The following ESR1 variants were observed in gnomAD, a reference collection of about 807,000 sequenced individuals.
ESR1 encodes estrogen receptor.
ESR1 carries 12 observed loss-of-function variants against 52.7 expected under a neutral mutation model. The observed-to-expected ratio is 0.23, with a 90% CI of 0.15 to 0.37. The LOEUF (loss-of-function observed/expected upper bound fraction) is 0.37, where lower values mean the gene tolerates loss of function less well. Ranked by LOEUF, ESR1 falls within the 10% of genes least tolerant of loss-of-function variation. The probability of loss-of-function intolerance (pLI) is 1.00; values close to 1 mark genes in which losing one functional copy is unlikely to be tolerated. For missense variants in ESR1, 584 were observed against 779.7 expected (o/e 0.75, Z 2.99); for synonymous variants, 305 against 316.8 (o/e 0.96, Z 0.39).
rs573925362 is a variant in ESR1, at chr6:152,122,376, T to C, written c.851-2890T>C. The C allele has an allele frequency of 1.9e-6, 3 of 1,612,874 alleles. No individual in the cohort carries two copies. In the African/African-American group the frequency reaches 4.0e-5, roughly 21 times the overall value. On this transcript the variant is annotated intron_variant, in intron 6 of 6. Transcript: ENST00000427531. Reference sequence around the variant, plus strand: ...AGGTCCTCTTGTTGGTAGTTTGGGATTGCTTATGACCCGATCCTCCTTATG... The same window carrying C: ...AGGTCCTCTTGTTGGTAGTTTGGGACTGCTTATGACCCGATCCTCCTTATG...
chr6:151,767,903 A>T (rs2128105142), intron 2 of ESR1, among the ~76,000 whole-genome samples: 1 of 152,302 alleles, frequency 6.6e-6, no homozygotes, highest in East Asian at 1.9e-4. Flanking sequence ...TAGAAGGGGC[A>T]TATACCCCTT....
At chr6:152,034,957 C>T (rs779514103) in intron 5 of ESR1, among the ~76,000 whole-genome samples, 20 of 152,132 alleles carry the variant, frequency 1.3e-4, no homozygotes, top group Admixed American at 1.3e-4. Context: ...TAACTACGCA[C>T]GTGACAAAAA....
chr6:151,764,884 T>C (rs1784928195), intron 2 of ESR1, among the ~76,000 whole-genome samples: 1 of 152,240 alleles, frequency 6.6e-6, no homozygotes, highest in Non-Finnish European at 1.5e-5. Context: ...CAGCTAAACA[T>C]ATTTACTTCT....
chr6:151,694,794 A>AT, intron 1 of ESR1, among the ~76,000 whole-genome samples: 1 of 120,078 alleles, frequency 8.3e-6, no homozygotes, highest in Non-Finnish European at 1.8e-5. Flanking sequence ...CTAAAAAAAG[A>AT]CAAAAAAAAA....
At position 152,031,876 on chromosome 6, in the gene ESR1, A is replaced by G. The variant is rs1434039444; in HGVS notation, c.1235+20082A>G. Among the ~76,000 whole-genome samples, 7 of 152,244 alleles carry G rather than the reference A, an allele frequency of 4.6e-5. No homozygotes were observed. The South Asian group carries it at 1.0e-3, about 23-fold the overall frequency. On this transcript the variant is annotated intron_variant, in intron 5 of 7. Coordinates refer to ENST00000206249, the MANE Select transcript of ESR1 (RefSeq NM_000125.4). ...AGACCAATATCCCTGATGAACATCG[A>G]TGCAAAAATCCTGAGTAAAATACTG... is the stretch of plus-strand genomic sequence containing the variant.
rs76786480 is a variant in ESR1, at chr6:151,708,219, C to A, written c.-71+6214C>A. On this transcript the variant is annotated intron_variant, in intron 2 of 2. Coordinates refer to the ESR1 transcript ENST00000404742. Reference sequence around the variant, plus strand: ...TCTGAATCTTGGTTTTGTCACTTTGCAATATGTCTTAAAGATTCTGATAAA... The same window carrying A: ...TCTGAATCTTGGTTTTGTCACTTTGAAATATGTCTTAAAGATTCTGATAAA... Among the ~76,000 whole-genome samples the A allele has an allele frequency of 2.9e-3, 438 of 152,144 alleles. 5 individuals carry two copies. Among genetic ancestry groups the A allele is most frequent in the East Asian group, 0.019 (97 of 5,182 alleles).
chr6:152,042,903 G>A lies in ESR1; in HGVS notation c.1236-18088G>A, dbSNP rs140557514. ...CTTGATGCTTGAGTGCCACCACTTGGCCCATGCCACCTCAGGATCCAATTA... is the reference window on the plus strand; with the variant it reads ...CTTGATGCTTGAGTGCCACCACTTGACCCATGCCACCTCAGGATCCAATTA... On this transcript the variant is annotated intron_variant, in intron 5 of 7. Transcript: ENST00000206249. Among the ~76,000 whole-genome samples, 11 of 152,170 alleles carry A rather than the reference G, an allele frequency of 7.2e-5. No individual in the cohort carries two copies. In the East Asian group the frequency reaches 1.2e-3, roughly 16 times the overall value.
At chr6:151,672,964 G>A (rs1159564004) in intron 1 of ESR1, among the ~76,000 whole-genome samples, 2 of 151,596 alleles carry the variant, frequency 1.3e-5, no homozygotes, top group African/African-American at 4.9e-5. Context: ...GAGTAGCTGG[G>A]ACTACAGGCC....
intron 1 of ESR1, among the ~76,000 whole-genome samples, chr6:151,695,844 C>T (rs1031795579): frequency 2.0e-5 from 3 of 152,050 alleles, no homozygotes; most frequent in African/African-American, 7.2e-5. Context: ...TATAGTAATC[C>T]GTTTTAGTAT....
intron 2 of ESR1, among the ~76,000 whole-genome samples, chr6:151,860,577 A>G (rs577737086): frequency 6.8e-4 from 103 of 152,318 alleles, no homozygotes; most frequent in Non-Finnish European, 1.1e-3. Flanking sequence ...ATACATGCAC[A>G]CATACACAAT....
At chr6:151,690,332 T>C (rs924906545), upstream of ESR1, among the ~76,000 whole-genome samples, 3 of 152,232 alleles carry the variant, frequency 2.0e-5, no homozygotes, top group Admixed American at 2.0e-4. Context: ...GATTTACCTC[T>C]TCTTGAACAT....
intron 4 of ESR1, among the ~76,000 whole-genome samples, chr6:151,967,759 C>T (rs533370160): frequency 7.2e-5 from 11 of 152,324 alleles, no homozygotes; most frequent in East Asian, 5.8e-4. Context: ...AGAATCACCA[C>T]GCTGTCTTCC....
intron 6 of ESR1, among the ~76,000 whole-genome samples, chr6:152,092,984 G>C (rs1283197794): frequency 6.6e-6 from 1 of 152,150 alleles, no homozygotes; most frequent in East Asian, 1.9e-4. Context: ...AAAAATGTAA[G>C]AACGAAGACC....
chr6:151,679,082 G>A (rs1001453323), intron 1 of ESR1, among the ~76,000 whole-genome samples: 1 of 152,142 alleles, frequency 6.6e-6, no homozygotes, highest in African/African-American at 2.4e-5. Flanking sequence ...TTTTTCTTTA[G>A]TTGAACTCCA....
At chr6:151,845,697 A>G (rs1190685015) in intron 2 of ESR1, among the ~76,000 whole-genome samples, 2 of 152,230 alleles carry the variant, frequency 1.3e-5, no homozygotes, top group East Asian at 1.9e-4. Context: ...TGGTTTCAGA[A>G]ACTTCTTGTG....
chr6:151,718,980 CT>C (rs1360308767), intron 2 of ESR1, among the ~76,000 whole-genome samples: 3 of 152,176 alleles, frequency 2.0e-5, no homozygotes, highest in Non-Finnish European at 2.9e-5. Flanking sequence ...AAAAGCACCC[CT>C]ATCTTGGTAG....
chr6:151,782,892 G>A (rs1226644769), intron 2 of ESR1, among the ~76,000 whole-genome samples: 1 of 152,142 alleles, frequency 6.6e-6, no homozygotes, highest in African/African-American at 2.4e-5. Flanking sequence ...CACTAAAATT[G>A]GAAATAAACT....
At position 151,945,875 on chromosome 6, in the gene ESR1, T is replaced by C. The variant is rs114677542; in HGVS notation, c.1096+1367T>C. On this transcript the variant is annotated intron_variant, in intron 4 of 7. Coordinates refer to ENST00000206249, the MANE Select transcript of ESR1 (RefSeq NM_000125.4). ...GGGCCGTAGAATAAGGAGCCAGCAGTACCAGAACCCAGCCTTGTTAGAGGC... is the reference window on the plus strand; with the variant it reads ...GGGCCGTAGAATAAGGAGCCAGCAGCACCAGAACCCAGCCTTGTTAGAGGC... 6.6e-3 allele frequency among the ~76,000 whole-genome samples: 1,001 copies of C among 152,328 alleles called. 11 individuals are homozygous for C. Among genetic ancestry groups the C allele is most frequent in the African/African-American group, 0.022 (926 of 41,566 alleles).
chr6:151,747,550 A>G (rs3020308), intron 2 of ESR1, among the ~76,000 whole-genome samples: 82,727 of 151,940 alleles, frequency 0.54, 23,054 homozygotes, highest in Non-Finnish European at 0.58. Flanking sequence ...GCTTCTAAAA[A>G]CTATTTTTTT....
Sources: gnomAD v4.1 joint callset for allele counts (sites outside exome capture counted in the v4.1 genomes callset) on GRCh38, gnomAD v4.1.1 for gene constraint, MANE v1.5 for transcripts, NCBI Gene and HGNC (gene_info 2026-07-23, HGNC 2026-07-21) for gene names.